TRABD2A: variants seen among roughly 807,000 people sequenced by gnomAD.
TRABD2A encodes TraB domain containing 2A.
TRABD2A carries 43 observed loss-of-function variants against 45.6 expected under a neutral mutation model. That is an observed-to-expected ratio of 0.94 (90% CI 0.74 to 1.22). The LOEUF is 1.22. Among genes scored for constraint, TRABD2A ranks in the 50% most tolerant of loss-of-function variants. The pLI is 0.00. For synonymous variants in TRABD2A, 269 were observed against 265.0 expected (o/e 1.02, Z -0.15); for missense variants, 642 against 652.4 (o/e 0.98, Z 0.17).
chr2:84,842,545 C>T (rs575982480), intron 2 of TRABD2A, among the ~76,000 whole-genome samples: 1 of 152,196 alleles, frequency 6.6e-6, no homozygotes, highest in African/African-American at 2.4e-5. Flanking sequence ...GCCTGGCCAA[C>T]ATGGTGAAAC....
chr2:84,821,795 C>T lies in TRABD2A; in HGVS notation c.*122G>A, dbSNP rs1427582030. 1.0e-5 allele frequency: 11 copies of T among 1,074,134 alleles called. No homozygotes were observed. The highest frequency in any genetic ancestry group is 7.6e-5 in the Admixed American group (2 of 26,326). The allele number at this position is 1,074,134 out of a possible 1,614,324, so 66.5% of individuals were successfully genotyped here. A position where few individuals can be genotyped will look rare whatever the true frequency, so the allele number is the denominator to read the frequency against. On this transcript the variant is annotated 3_prime_UTR_variant, in exon 7 of 7. Transcript: ENST00000409520. Reference sequence around the variant, plus strand: ...GGAAAGAGAAGAATCAACACTGGGCCGCTTTTTCAAGAGCAGTCTCTTCTG... The same window carrying T: ...GGAAAGAGAAGAATCAACACTGGGCTGCTTTTTCAAGAGCAGTCTCTTCTG...
chr2:84,853,039 C>T (rs1682151388), intron 2 of TRABD2A, among the ~76,000 whole-genome samples: 3 of 152,044 alleles, frequency 2.0e-5, no homozygotes, highest in South Asian at 4.2e-4. Flanking sequence ...ACCCCCAGGA[C>T]CTATGAATGT....
intron 2 of TRABD2A, among the ~76,000 whole-genome samples, chr2:84,859,148 T>G (rs1682411712): frequency 6.6e-6 from 1 of 152,150 alleles, no homozygotes; most frequent in South Asian, 2.1e-4. Flanking sequence ...CTAACATTAT[T>G]GTGTAAGCAG....
chr2:84,866,981 T>A (rs1373424654), intron 2 of TRABD2A, among the ~76,000 whole-genome samples: 1 of 151,968 alleles, frequency 6.6e-6, no homozygotes, highest in Non-Finnish European at 1.5e-5. Context: ...GACAGGAGGA[T>A]GACTTCAACC....
intron 2 of TRABD2A, among the ~76,000 whole-genome samples, chr2:84,851,782 G>A (rs1174328032): frequency 6.6e-6 from 1 of 152,248 alleles, no homozygotes; most frequent in Non-Finnish European, 1.5e-5. Flanking sequence ...GTTCCCTGGG[G>A]AACTGTAATG....
At chr2:84,835,907 T>G (rs953144678) in intron 4 of TRABD2A, 2 of 152,170 alleles carry the variant, frequency 1.3e-5, no homozygotes, top group Non-Finnish European at 2.9e-5. Context: ...CTTAATACCA[T>G]GACAATAATA....
intron 1 of TRABD2A, among the ~76,000 whole-genome samples, chr2:84,873,904 G>C (rs2105412551): frequency 6.6e-6 from 1 of 152,288 alleles, no homozygotes; most frequent in Non-Finnish European, 1.5e-5. Flanking sequence ...TTTCCAACTG[G>C]GAGACACAGC....
intron 2 of TRABD2A, among the ~76,000 whole-genome samples, chr2:84,842,256 C>T (rs1309724721): frequency 6.6e-6 from 1 of 152,146 alleles, no homozygotes; most frequent in Non-Finnish European, 1.5e-5. Context: ...CAACCTGGAA[C>T]TCTTCCATGA....
chr2:84,826,689 G>A (rs982528612), intron 5 of TRABD2A, among the ~76,000 whole-genome samples: 3 of 152,056 alleles, frequency 2.0e-5, no homozygotes, highest in Admixed American at 6.6e-5. Context: ...ATGCCACCAC[G>A]CCCAGCTAGT....
intron 2 of TRABD2A, among the ~76,000 whole-genome samples, chr2:84,859,632 C>A (rs1573942780): frequency 6.6e-6 from 1 of 152,170 alleles, no homozygotes; most frequent in South Asian, 2.1e-4. Context: ...TGTGGCAATA[C>A]AAGAACAGGA....
intron 1 of TRABD2A, chr2:84,875,039 C>A: frequency 5.7e-6 from 1 of 175,644 alleles, no homozygotes; most frequent in Non-Finnish European, 1.2e-5. Context: ...TTGATGGCTG[C>A]CACACTCATG....
At chr2:84,841,194 T>C (rs990411518) in intron 3 of TRABD2A, among the ~76,000 whole-genome samples, 1 of 152,226 alleles carries the variant, frequency 6.6e-6, no homozygotes, top group Non-Finnish European at 1.5e-5. Context: ...GCTTGTCCCA[T>C]GGGAAGCCTG....
Position 84,822,021 on chromosome 2 carries a change from A to T in TRABD2A, c.1414T>A (p.Ser472Thr), listed in dbSNP as rs1277808718. The change falls in exon 7 of 7, where the codon TCC (serine) becomes ACC (threonine). Residue 472 changes from serine (S) to threonine (T), a missense_variant. Ser to Thr is a moderately conservative substitution (Grantham distance 58). Coordinates refer to ENST00000409520, the MANE Select transcript of TRABD2A (RefSeq NM_001277053.2). ...CTGGCCACCATCTGGCTGTGGTGGGAATGCCCACGGCGAGGGAGCCGCAGT... is the reference window on the plus strand; with the variant it reads ...CTGGCCACCATCTGGCTGTGGTGGGTATGCCCACGGCGAGGGAGCCGCAGT... Reference protein sequence around the residue: ...TELRLPRRGHSHHSQMVASSA... With the variant: ...TELRLPRRGHTHHSQMVASSA... 1.3e-6 allele frequency: 2 copies of T among 1,595,974 alleles called. No homozygotes were observed. Among genetic ancestry groups the T allele is most frequent in the East Asian group, 2.3e-5 (1 of 44,196 alleles).
intron 2 of TRABD2A, among the ~76,000 whole-genome samples, chr2:84,850,330 C>A (rs1396755353): frequency 1.3e-5 from 2 of 152,098 alleles, no homozygotes; most frequent in Non-Finnish European, 2.9e-5. Context: ...ATAATCATCA[C>A]AATAATAATA....
Position 84,823,962 on chromosome 2 carries a change from A to C in TRABD2A, c.1325T>G (p.Leu442Arg). 1 of 1,613,772 alleles carries C rather than the reference A, an allele frequency of 6.2e-7. No homozygotes were observed. Among genetic ancestry groups the C allele is most frequent in the Non-Finnish European group, 8.5e-7 (1 of 1,179,898 alleles). Residue 442 changes from leucine (L) to arginine (R), a missense_variant, in exon 6 of 7, where the codon CTG becomes CGG. Coordinates refer to ENST00000409520, the MANE Select transcript of TRABD2A (RefSeq NM_001277053.2). ...AGCCTACTCGCCTGACCTCTCCTCC[A>C]GGCGGACCCACAGATCGCTGAATTG... ...LRQFSDLWVR[L>R]EESDIVPQLQ...
At chr2:84,862,159 G>A (rs546066874) in intron 2 of TRABD2A, among the ~76,000 whole-genome samples, 1 of 152,338 alleles carries the variant, frequency 6.6e-6, no homozygotes, top group Non-Finnish European at 1.5e-5. Flanking sequence ...GCTCCTTGGA[G>A]GATCCCAGTA....
At chr2:84,833,033 G>A (rs1003851232) in intron 4 of TRABD2A, 1 of 152,250 alleles carries the variant, frequency 6.6e-6, no homozygotes, top group African/African-American at 2.4e-5. Context: ...GGAGCCTGCG[G>A]CAGTACAGCA....
At position 84,856,690 on chromosome 2, in the gene TRABD2A, C is replaced by T. The variant is rs537792709; in HGVS notation, c.669+13535G>A. On this transcript the variant is annotated intron_variant, in intron 2 of 6. Transcript: ENST00000409520. ...GCTGGACCTTCCCTCTCTTTTCTTC[C>T]CGCTGCCTCCTGGACACCCCCGAAG... 2.0e-5 allele frequency among the ~76,000 whole-genome samples: 3 copies of T among 152,268 alleles called. No individual in the cohort carries two copies. The East Asian group carries it at 5.8e-4, about 29-fold the overall frequency.
At position 84,824,130 on chromosome 2, in the gene TRABD2A, A is replaced by G; in HGVS notation, c.1157T>C (p.Val386Ala). 1 of 1,613,956 alleles carries G rather than the reference A, an allele frequency of 6.2e-7. No homozygotes were observed. Among genetic ancestry groups the G allele is most frequent in the Non-Finnish European group, 8.5e-7 (1 of 1,179,868 alleles). The change falls in exon 6 of 7, where the codon GTA becomes GCA. Residue 386 changes from valine to alanine, a missense_variant. Coordinates refer to ENST00000409520, the MANE Select transcript of TRABD2A (RefSeq NM_001277053.2). ...IFAPKVPTLEVPAPEAVSSGH... is the reference protein window; with the variant it reads ...IFAPKVPTLEAPAPEAVSSGH... ...TGAGGATACGGCTTCTGGTGCCGGT[A>G]CTTCCAGGGTAGGGACTTTTGGAGC...
Sources: allele counts gnomAD v4.1 joint callset (sites outside exome capture counted in the v4.1 genomes callset), GRCh38; gene constraint gnomAD v4.1.1; transcripts MANE v1.5; gene names NCBI Gene and HGNC (gene_info 2026-07-23, HGNC 2026-07-21).